The following DPY19L3 variants were observed in gnomAD, a reference collection of about 807,000 sequenced individuals.
DPY19L3 encodes the protein protein C-mannosyl-transferase DPY19L3.
A neutral mutation model predicts 92.3 loss-of-function variants in DPY19L3; 51 were observed. The ratio of observed to expected loss-of-function variants is 0.55; its 90% CI spans 0.44 to 0.70. DPY19L3 has a LOEUF of 0.70. Among genes scored for constraint, DPY19L3 ranks in the 30% least tolerant of loss-of-function variants. The pLI is 0.00. For synonymous variants in DPY19L3, 309 were observed against 315.2 expected (o/e 0.98, Z 0.21); for missense variants, 706 against 855.9 (o/e 0.82, Z 2.18).
At position 32,483,331 on chromosome 19, in the gene DPY19L3, C is replaced by A. The variant is rs1970724590; in HGVS notation, c.*1091C>A. ...AAAAGGTAACCAAGTGCCTCTAAGTCATGCTTATTTGTAAACAACAAAGAA... is the reference window on the plus strand; with the variant it reads ...AAAAGGTAACCAAGTGCCTCTAAGTAATGCTTATTTGTAAACAACAAAGAA... On this transcript the variant is annotated 3_prime_UTR_variant, in exon 19 of 19. Transcript: ENST00000392250. The A allele has an allele frequency of 6.6e-6, 1 of 152,608 alleles. No homozygotes were observed. Among genetic ancestry groups the A allele is most frequent in the African/African-American group, 2.4e-5 (1 of 41,454 alleles). 9.5% of individuals were successfully genotyped at this position (152,608 alleles called of 1,614,324 possible). A position where few individuals can be genotyped will look rare whatever the true frequency, so the allele number is the denominator to read the frequency against.
Position 32,447,816 on chromosome 19 carries a change from T to TAGATTAGATAGATAGATAGA in DPY19L3, c.856-5329_856-5328insAGATTAGATAGATAGATAGA, listed in dbSNP as rs1555721982. On this transcript the variant is annotated intron_variant, in intron 8 of 18. Coordinates refer to ENST00000392250, the MANE Select transcript of DPY19L3 (RefSeq NM_001172774.2). ...TCCATCTCATTCATAGATAGATAGA[T>TAGATTAGATAGATAGATAGA]TAGATAGATAGATAGATAGATAGAT... Among the ~76,000 whole-genome samples, 768 of 89,904 alleles carry TAGATTAGATAGATAGATAGA rather than the reference T, an allele frequency of 8.5e-3. 11 individuals are homozygous for TAGATTAGATAGATAGATAGA. The highest frequency in any genetic ancestry group is 0.015 in the South Asian group (35 of 2,402). The allele number at this position is 89,904 out of a possible 152,430, so 59.0% of individuals were successfully genotyped here.
chr19:32,439,871 G>C lies in DPY19L3; in HGVS notation c.816G>C (p.Leu272=), dbSNP rs778118024. 4 of 1,613,862 alleles carry C rather than the reference G, an allele frequency of 2.5e-6. No homozygotes were observed. In the Admixed American group the frequency reaches 5.0e-5, roughly 20 times the overall value. ...TGATGCTGATGCAAGCATTAGTGCTGTTCACACTGGACTCCCTGGACATGC... is the reference window on the plus strand; with the variant it reads ...TGATGCTGATGCAAGCATTAGTGCTCTTCACACTGGACTCCCTGGACATGC... The part of the protein sequence containing the change: ...QFMMLMQALV[L]FTLDSLDMLP... The change falls in exon 8 of 19, where the codon CTG becomes CTC. Residue 272 remains leucine (L), a synonymous_variant. Coordinates refer to ENST00000392250, the MANE Select transcript of DPY19L3 (RefSeq NM_001172774.2).
intron 15 of DPY19L3, 65 bp downstream of exon 15, chr19:32,464,849 A>G (rs1970155079): frequency 4.3e-6 from 5 of 1,170,544 alleles, no homozygotes; most frequent in Non-Finnish European, 2.4e-6. Context: ...TTGATTCAAT[A>G]TATTTTGTGT....
At chr19:32,411,137 G>A in intron 2 of DPY19L3, 102 bp from the exon 3 acceptor site, 2 of 1,251,380 alleles carry the variant, frequency 1.6e-6, no homozygotes, top group Non-Finnish European at 2.2e-6. Flanking sequence ...CTTTCCCAGT[G>A]ACAGGCAGCT....
intron 18 of DPY19L3, chr19:32,480,944 TG>T: frequency 2.4e-6 from 1 of 415,890 alleles, no homozygotes; most frequent in Non-Finnish European, 4.2e-6. Context: ...GCAGGGATGG[TG>T]GGGCCCTCCT....
intron 16 of DPY19L3, among the ~76,000 whole-genome samples, chr19:32,471,595 G>A (rs146972275): frequency 6.6e-5 from 10 of 152,194 alleles, no homozygotes; most frequent in East Asian, 1.9e-4. Flanking sequence ...GAAGTGTCCC[G>A]CCCCGTGTCC....
At chr19:32,413,951 T>G (rs1188706015) in intron 3 of DPY19L3, among the ~76,000 whole-genome samples, 1 of 152,080 alleles carries the variant, frequency 6.6e-6, no homozygotes, top group Non-Finnish European at 1.5e-5. Context: ...CTCAAACTCC[T>G]GGACTCAAGC....
intron 16 of DPY19L3, among the ~76,000 whole-genome samples, chr19:32,472,850 A>C (rs1203269514): frequency 6.6e-6 from 1 of 152,186 alleles, no homozygotes; most frequent in African/African-American, 2.4e-5. Context: ...TGTGTGCAGT[A>C]TTTTCTCAAT....
chr19:32,433,316 T>G (rs935575618), intron 4 of DPY19L3, among the ~76,000 whole-genome samples: 6 of 152,244 alleles, frequency 3.9e-5, no homozygotes, highest in African/African-American at 1.4e-4. Flanking sequence ...TAGTACATAC[T>G]TGATCGGCTT....
rs989070631 is a variant in DPY19L3, at chr19:32,484,584, A to G, written c.*2344A>G. 1 of 152,188 alleles carries G rather than the reference A, an allele frequency of 6.6e-6. No individual in the cohort carries two copies. The highest frequency in any genetic ancestry group is 2.4e-5 in the African/African-American group (1 of 41,430). 9.4% of individuals were successfully genotyped at this position (152,188 alleles called of 1,614,324 possible). A position where few individuals can be genotyped will look rare whatever the true frequency, so the allele number is the denominator to read the frequency against. ...CTCTAAGTACAATAGAAGTGCTCTT[A>G]ACGGACTCTGCCTGTGTGACTCCCA... On this transcript the variant is annotated 3_prime_UTR_variant, in exon 19 of 19. Transcript: ENST00000392250.
chr19:32,468,291 G>A (rs977067500), intron 15 of DPY19L3: 2 of 986,408 alleles, frequency 2.0e-6, no homozygotes, highest in African/African-American at 3.5e-5. Context: ...TTTTGCAGCA[G>A]TAAAATGGCT....
At position 32,464,799 on chromosome 19, in the gene DPY19L3, C is replaced by A; in HGVS notation, c.1614+15C>A. ...TATGCTATAAGGTAAGACTGATTTTCCTCATTCTTGTCATTCATGTATTTA... is the reference window on the plus strand; with the variant it reads ...TATGCTATAAGGTAAGACTGATTTTACTCATTCTTGTCATTCATGTATTTA... On this transcript the variant is annotated intron_variant, in intron 15 of 18. Coordinates refer to ENST00000392250, the MANE Select transcript of DPY19L3 (RefSeq NM_001172774.2). The A allele has an allele frequency of 6.7e-7, 1 of 1,486,040 alleles. No individual in the cohort carries two copies. Among genetic ancestry groups the A allele is most frequent in the Non-Finnish European group, 9.1e-7 (1 of 1,100,386 alleles). The allele number at this position is 1,486,040 out of a possible 1,614,324, so 92.1% of individuals were successfully genotyped here. A position where few individuals can be genotyped will look rare whatever the true frequency, so the allele number is the denominator to read the frequency against.
intron 8 of DPY19L3, among the ~76,000 whole-genome samples, chr19:32,451,987 C>T (rs1316064796): frequency 2.0e-5 from 3 of 152,120 alleles, no homozygotes; most frequent in Admixed American, 1.3e-4. Context: ...TGCACCACTA[C>T]ACCTGGCTAG....
chr19:32,430,392 T>A (rs1599611829), intron 3 of DPY19L3, among the ~76,000 whole-genome samples: 9 of 151,864 alleles, frequency 5.9e-5, no homozygotes, highest in Admixed American at 5.9e-4. Context: ...CAAAAAAAAA[T>A]AAATAAATTT....
intron 15 of DPY19L3, among the ~76,000 whole-genome samples, chr19:32,465,309 G>T (rs766641778): frequency 1.4e-4 from 22 of 152,146 alleles, no homozygotes; most frequent in Non-Finnish European, 2.6e-4. Flanking sequence ...ACTAGTTTCT[G>T]AAACAGCATG....
intron 4 of DPY19L3, among the ~76,000 whole-genome samples, chr19:32,433,982 G>C (rs1969053815): frequency 6.6e-6 from 1 of 152,046 alleles, no homozygotes; most frequent in Non-Finnish European, 1.5e-5. Context: ...TTATTAGTTG[G>C]AACTATGTTA....
chr19:32,434,381 G>A (rs1969068549), intron 4 of DPY19L3, among the ~76,000 whole-genome samples: 1 of 152,196 alleles, frequency 6.6e-6, no homozygotes, highest in Admixed American at 6.5e-5. Flanking sequence ...CTGAGCCTGG[G>A]CGCAGTGGCT....
At position 32,482,300 on chromosome 19, in the gene DPY19L3, A is replaced by T; in HGVS notation, c.*60A>T. 4.5e-6 allele frequency: 7 copies of T among 1,563,200 alleles called. No homozygotes were observed. Among genetic ancestry groups the T allele is most frequent in the African/African-American group, 1.4e-5 (1 of 72,952 alleles). ...GAGAAACTGCATCATGATGAAACTC[A>T]ATAGATGACGTTTCCTATGTAAGTA... On this transcript the variant is annotated 3_prime_UTR_variant, in exon 19 of 19. Transcript: ENST00000392250.
At chr19:32,442,134 A>G (rs1969344115) in intron 8 of DPY19L3, among the ~76,000 whole-genome samples, 1 of 152,116 alleles carries the variant, frequency 6.6e-6, no homozygotes, top group African/African-American at 2.4e-5. Flanking sequence ...GAGTCAGAAT[A>G]ATTGGTATAG....
Sources: gnomAD v4.1 joint callset for allele counts (sites outside exome capture counted in the v4.1 genomes callset) on GRCh38, gnomAD v4.1.1 for gene constraint, MANE v1.5 for transcripts, NCBI Gene and HGNC (gene_info 2026-07-23, HGNC 2026-07-21) for gene names.